The following PIWIL2 variants were observed in gnomAD, a reference collection of about 807,000 sequenced individuals.
PIWIL2 encodes the protein piwi like RNA-mediated gene silencing 2, also known as piwi-like protein 2.
In PIWIL2, 81 loss-of-function variants were observed where a neutral mutation model predicts 116.5. That is an observed-to-expected ratio of 0.70 (90% CI 0.58 to 0.84). The LOEUF is 0.84. Among genes scored for constraint, PIWIL2 ranks in the 40% least tolerant of loss-of-function variants. PIWIL2 has a pLI of 0.00. For synonymous variants in PIWIL2, 489 were observed against 429.5 expected, an observed-to-expected ratio of 1.14 and a Z score of -1.71; for missense variants, 1,272 against 1,212.3, an observed-to-expected ratio of 1.05 and a Z score of -0.73.
chr8:22,304,738 A>T, intron 11 of PIWIL2, 46 bp from the exon 12 acceptor site: 1 of 1,080,982 alleles, frequency 9.3e-7, no homozygotes, highest in Non-Finnish European at 1.4e-6. Flanking sequence ...CTCTAAGAGT[A>T]TTGATGCTGC....
intron 6 of PIWIL2, 102 bp downstream of exon 6, chr8:22,284,374 C>T (rs749685259): frequency 4.4e-5 from 25 of 572,904 alleles, no homozygotes; most frequent in African/African-American, 1.7e-4. Context: ...TCCTGGTGGA[C>T]GTCTCAATGC....
intron 10 of PIWIL2, among the ~76,000 whole-genome samples, chr8:22,298,613 A>T (rs1830969967): frequency 6.6e-6 from 1 of 152,196 alleles, no homozygotes; most frequent in South Asian, 2.1e-4. Flanking sequence ...AATCTGTGGA[A>T]TGTTGCCTGG....
Position 22,305,895 on chromosome 8 carries a change from C to T in PIWIL2, c.1456-32C>T, listed in dbSNP as rs771532429. ...TCGGGAACATGAGCCTCTTGTACTGCCTTATTTTCCCTCTTCGTTCTCTCT... is the reference window on the plus strand; with the variant it reads ...TCGGGAACATGAGCCTCTTGTACTGTCTTATTTTCCCTCTTCGTTCTCTCT... On this transcript the variant is annotated intron_variant, in intron 12 of 22. Transcript: ENST00000356766. 318 of 1,518,790 alleles carry T rather than the reference C, an allele frequency of 2.1e-4. 1 individual carries two copies. The highest frequency in any genetic ancestry group is 2.6e-5 in the Non-Finnish European group (28 of 1,093,312). 94.1% of individuals were successfully genotyped at this position (1,518,790 alleles called of 1,614,324 possible).
At chr8:22,323,436 G>A (rs1032701335) in intron 20 of PIWIL2, among the ~76,000 whole-genome samples, 3 of 151,982 alleles carry the variant, frequency 2.0e-5, no homozygotes, top group South Asian at 2.1e-4. Context: ...ATGAGCTACC[G>A]CGCCCAGCCA....
intron 10 of PIWIL2, among the ~76,000 whole-genome samples, chr8:22,295,817 C>A (rs141531784): frequency 1.3e-5 from 2 of 152,120 alleles, no homozygotes; most frequent in East Asian, 3.9e-4. Context: ...TTGCATACTT[C>A]TAAAGGGTAG....
chr8:22,303,873 C>A, intron 10 of PIWIL2, 148 bp from the exon 11 acceptor site: 2 of 459,472 alleles, frequency 4.4e-6, no homozygotes, highest in South Asian at 1.2e-4. Context: ...GCCACTGCAT[C>A]TGGCCAAGAG....
At chr8:22,315,730 C>T (rs959622332) in intron 18 of PIWIL2, among the ~76,000 whole-genome samples, 1 of 152,184 alleles carries the variant, frequency 6.6e-6, no homozygotes, top group African/African-American at 2.4e-5. Context: ...CACTGGAATA[C>T]AGCCATACTC....
intron 20 of PIWIL2, among the ~76,000 whole-genome samples, chr8:22,338,417 G>A (rs571882492): frequency 2.6e-5 from 4 of 152,166 alleles, no homozygotes; most frequent in African/African-American, 7.2e-5. Flanking sequence ...ATGGCCAGGT[G>A]GGGTGGCTCA....
intron 20 of PIWIL2, among the ~76,000 whole-genome samples, chr8:22,330,799 G>C (rs1831843236): frequency 6.6e-6 from 1 of 152,156 alleles, no homozygotes; most frequent in African/African-American, 2.4e-5. Context: ...CTCAAGGACA[G>C]TCTCTGTTGA....
chr8:22,316,988 C>T (rs1178765362), intron 19 of PIWIL2, among the ~76,000 whole-genome samples: 2 of 152,084 alleles, frequency 1.3e-5, no homozygotes, highest in Non-Finnish European at 2.9e-5. Context: ...CCATGTTGCC[C>T]AGGCTGGTCT....
intron 20 of PIWIL2, among the ~76,000 whole-genome samples, chr8:22,336,573 C>T (rs1397195144): frequency 6.6e-6 from 1 of 151,870 alleles, no homozygotes; most frequent in African/African-American, 2.4e-5. Context: ...CAGAAAAGAA[C>T]AACAGACTAA....
intron 20 of PIWIL2, among the ~76,000 whole-genome samples, chr8:22,342,720 A>T (rs918732119): frequency 6.6e-6 from 1 of 152,240 alleles, no homozygotes; most frequent in African/African-American, 2.4e-5. Flanking sequence ...CTTTTTAGAT[A>T]TGATGCCAAA....
intron 20 of PIWIL2, among the ~76,000 whole-genome samples, chr8:22,327,659 G>A (rs1241025875): frequency 6.6e-6 from 1 of 152,112 alleles, no homozygotes; most frequent in Non-Finnish European, 1.5e-5. Flanking sequence ...GAATCACCAT[G>A]CCCGGCTTGA....
chr8:22,280,706 A>G (rs1830479660), intron 2 of PIWIL2, among the ~76,000 whole-genome samples: 1 of 152,210 alleles, frequency 6.6e-6, no homozygotes, highest in Non-Finnish European at 1.5e-5. Context: ...AGCTTTTTTG[A>G]AATGTATTAA....
chr8:22,333,150 C>T (rs1278512785), intron 20 of PIWIL2, among the ~76,000 whole-genome samples: 4 of 151,364 alleles, frequency 2.6e-5, no homozygotes, highest in Admixed American at 1.3e-4. Context: ...AGGGTAACTA[C>T]GAAAGGAAGA....
At chr8:22,341,589 C>A (rs1390442677) in intron 20 of PIWIL2, among the ~76,000 whole-genome samples, 1 of 130,504 alleles carries the variant, frequency 7.7e-6, no homozygotes, top group East Asian at 2.6e-4. Context: ...CAGCGAAACT[C>A]CGTCTCAAAA....
chr8:22,346,144 A>G (rs1047354425), intron 20 of PIWIL2, among the ~76,000 whole-genome samples: 3 of 152,176 alleles, frequency 2.0e-5, no homozygotes, highest in Non-Finnish European at 4.4e-5. Context: ...GTATTGCTTG[A>G]GGCCAGGAGT....
chr8:22,325,632 C>T (rs1287511992), intron 20 of PIWIL2, among the ~76,000 whole-genome samples: 6 of 151,598 alleles, frequency 4.0e-5, no homozygotes, highest in East Asian at 1.9e-4. Flanking sequence ...TACAAGCGTG[C>T]GCCACCACAC....
chr8:22,281,080 T>C, intron 2 of PIWIL2, 40 bp from the exon 3 acceptor site: 1 of 1,331,034 alleles, frequency 7.5e-7, no homozygotes, highest in African/African-American at 1.5e-5. Flanking sequence ...TCTGGGGTTT[T>C]AAACTACCTC....
Sources: gnomAD v4.1 joint callset for allele counts (sites outside exome capture counted in the v4.1 genomes callset) on GRCh38, gnomAD v4.1.1 for gene constraint, MANE v1.5 for transcripts, NCBI Gene and HGNC (gene_info 2026-07-23, HGNC 2026-07-21) for gene names.